Variants in SLC4A7 observed in about 807,000 individuals in gnomAD.
SLC4A7 encodes solute carrier family 4 member 7.
SLC4A7 carries 51 observed loss-of-function variants against 137.6 expected under a neutral mutation model. That is an observed-to-expected ratio of 0.37 (90% CI 0.30 to 0.47). The LOEUF (loss-of-function observed/expected upper bound fraction) is 0.47, where lower values mean the gene tolerates loss of function less well. SLC4A7 is among the 20% of genes least tolerant of loss of function. The pLI, the probability that SLC4A7 is intolerant of heterozygous loss-of-function variation, is 1.00. For synonymous variants in SLC4A7, 542 were observed against 518.6 expected, an observed-to-expected ratio of 1.05 and a Z score of -0.61; for missense variants, 1,247 against 1,525.4, an observed-to-expected ratio of 0.82 and a Z score of 3.04.
chr3:27,391,900 T>C, intron 20 of SLC4A7, 92 bp from the exon 21 acceptor site: 1 of 737,586 alleles, frequency 1.4e-6, no homozygotes. Context: ...ATTAAAAGAT[T>C]TTTCAATCAT....
In SLC4A7 at chr3:27,431,637, G is replaced by T. The variant is rs758537710; in HGVS notation, c.811C>A (p.Arg271=). Reference sequence around the variant, plus strand: ...AGGTTTGAGGCAGACAGACCTGTTCGCAAAGAGTGGCGGGAGGCTGAAAGG... The same window carrying T: ...AGGTTTGAGGCAGACAGACCTGTTCTCAAAGAGTGGCGGGAGGCTGAAAGG... ...EGLSASRHSL[R]TGLSASNLSL... Residue 271 remains arginine, a synonymous_variant, in exon 7 of 26, where the codon CGA becomes AGA. Transcript: ENST00000454389. The T allele has an allele frequency of 5.0e-6, 8 of 1,595,660 alleles. No homozygotes were observed. In the African/African-American group the frequency reaches 8.1e-5, roughly 16 times the overall value.
At chr3:27,443,150 G>A (rs759971069) in intron 3 of SLC4A7, among the ~76,000 whole-genome samples, 3 of 146,198 alleles carry the variant, frequency 2.1e-5, no homozygotes, top group Non-Finnish European at 4.5e-5. Context: ...TCCTGTCTCA[G>A]CCTCTGGGTA....
intron 21 of SLC4A7, among the ~76,000 whole-genome samples, chr3:27,391,107 G>C (rs2150080719): frequency 6.6e-6 from 1 of 152,264 alleles, no homozygotes; most frequent in East Asian, 1.9e-4. Context: ...ACAGACATGA[G>C]TAATGATAGC....
At chr3:27,394,929 G>C (rs2051985006) in intron 19 of SLC4A7, 25 bp downstream of exon 19, 1 of 1,576,850 alleles carries the variant, frequency 6.3e-7, no homozygotes, top group Admixed American at 1.9e-5. Context: ...GAATCACAAT[G>C]CTTAAGGCAA....
At chr3:27,482,801 T>C (rs2059771847) in intron 1 of SLC4A7, among the ~76,000 whole-genome samples, 1 of 152,130 alleles carries the variant, frequency 6.6e-6, no homozygotes, top group African/African-American at 2.4e-5. Flanking sequence ...TTACAGATTA[T>C]TTAGGATGAG....
chr3:27,468,725 T>C (rs921788949), intron 1 of SLC4A7, among the ~76,000 whole-genome samples: 4 of 152,156 alleles, frequency 2.6e-5, no homozygotes, highest in Non-Finnish European at 2.9e-5. Context: ...ACAATATTTA[T>C]ACAAATGATA....
chr3:27,392,865 A>G (rs920865182), intron 20 of SLC4A7, among the ~76,000 whole-genome samples: 45 of 152,104 alleles, frequency 3.0e-4, no homozygotes, highest in African/African-American at 1.1e-3. Context: ...AAAAGAAATA[A>G]GAATGGGAAA....
chr3:27,403,299 C>T lies in SLC4A7; in HGVS notation c.2161G>A (p.Ala721Thr). ...GTAATATAACACACAAGGCTGCTTG[C>T]ATCTGTTGCAACCAAAACAATGCAC... ...FLCIVLVATD[A>T]SSLVCYITRF... The change falls in exon 15 of 26, where the codon GCA (alanine) becomes ACA (threonine). Residue 721 changes from alanine to threonine, a missense_variant. Ala to Thr is a moderately conservative substitution (Grantham distance 58). Coordinates refer to ENST00000454389, the MANE Select transcript of SLC4A7 (RefSeq NM_001321103.2). The T allele has an allele frequency of 6.2e-7, 1 of 1,614,000 alleles. No individual in the cohort carries two copies.
chr3:27,419,718 T>C (rs942294614), intron 10 of SLC4A7, among the ~76,000 whole-genome samples: 1 of 152,050 alleles, frequency 6.6e-6, no homozygotes, highest in Non-Finnish European at 1.5e-5. Flanking sequence ...CAAATTTGCA[T>C]GTTACTGAGA....
chr3:27,470,685 G>GT (rs897124895), intron 1 of SLC4A7, among the ~76,000 whole-genome samples: 1 of 149,886 alleles, frequency 6.7e-6, no homozygotes, highest in South Asian at 2.1e-4. Context: ...GCTCACGCCT[G>GT]TAACCCCAGC....
chr3:27,460,038 A>AAT (rs2058614002), intron 1 of SLC4A7, among the ~76,000 whole-genome samples: 4 of 139,764 alleles, frequency 2.9e-5, no homozygotes, highest in South Asian at 2.3e-4. Context: ...TATATATATA[A>AAT]TTTTTTTTTT....
intron 22 of SLC4A7, 81 bp downstream of exon 22, chr3:27,389,850 A>G: frequency 9.2e-7 from 1 of 1,092,134 alleles, no homozygotes. Flanking sequence ...TCTTTTTCTC[A>G]AAATCAATTA....
At chr3:27,462,129 T>C (rs2058733792) in intron 1 of SLC4A7, among the ~76,000 whole-genome samples, 4 of 152,198 alleles carry the variant, frequency 2.6e-5, no homozygotes, top group Admixed American at 1.3e-4. Flanking sequence ...TTTCCATAAA[T>C]TTTTTTAAAT....
intron 12 of SLC4A7, among the ~76,000 whole-genome samples, chr3:27,410,276 A>G (rs1400966706): frequency 6.6e-6 from 1 of 152,148 alleles, no homozygotes; most frequent in African/African-American, 2.4e-5. Context: ...ATGAGGGGAG[A>G]CTTTTTCTTG....
chr3:27,398,387 G>C lies in SLC4A7; in HGVS notation c.2428-34C>G, dbSNP rs760842219. 3.9e-6 allele frequency: 6 copies of C among 1,551,734 alleles called. No homozygotes were observed. In the East Asian group the frequency reaches 1.4e-4, roughly 35 times the overall value. On this transcript the variant is annotated intron_variant, in intron 16 of 25. Coordinates refer to ENST00000454389, the MANE Select transcript of SLC4A7 (RefSeq NM_001321103.2). ...AAGGAGAAAGAAAAAGCAGAATGGG[G>C]GATTCTTACGTATTCAATAAATTAT... is the stretch of plus-strand genomic sequence containing the variant.
At chr3:27,473,966 G>C (rs2059361557) in intron 1 of SLC4A7, among the ~76,000 whole-genome samples, 2 of 152,054 alleles carry the variant, frequency 1.3e-5, no homozygotes, top group Non-Finnish European at 2.9e-5. Context: ...AATTTAAGAT[G>C]AAACTATGAA....
chr3:27,463,817 T>G lies in SLC4A7; in HGVS notation c.61-11319A>C, dbSNP rs937982651. 5.9e-5 allele frequency among the ~76,000 whole-genome samples: 9 copies of G among 152,192 alleles called. 1 individual carries two copies. In the South Asian group the frequency reaches 1.4e-3, roughly 25 times the overall value. On this transcript the variant is annotated intron_variant, in intron 1 of 25. Transcript: ENST00000454389. ...GGCAGCCTGTTAGCAGGACTCCATC[T>G]CACTTTGCTGTGTTGTTCTTTTCGC... is the stretch of plus-strand genomic sequence containing the variant.
Position 27,391,711 on chromosome 3 carries a change from T to C in SLC4A7, c.3186+29A>G, listed in dbSNP as rs776021268. The stretch of plus-strand genomic sequence containing the variant: ...CATACTTAAAATTATCAAGTTTCTA[T>C]AGAAAATCATTAAATACTTAAAACT... On this transcript the variant is annotated intron_variant, in intron 21 of 25. Transcript: ENST00000454389. The C allele has an allele frequency of 2.0e-5, 25 of 1,254,016 alleles. No individual in the cohort carries two copies. In the Admixed American group the frequency reaches 2.9e-4, roughly 15 times the overall value. 77.7% of individuals were successfully genotyped at this position (1,254,016 alleles called of 1,614,324 possible).
At chr3:27,477,396 G>C (rs922832411) in intron 1 of SLC4A7, among the ~76,000 whole-genome samples, 1 of 152,080 alleles carries the variant, frequency 6.6e-6, no homozygotes, top group Non-Finnish European at 1.5e-5. Flanking sequence ...GTGAACTCAC[G>C]GGCAGAGATT....
Sources: gnomAD v4.1 joint callset for allele counts (sites outside exome capture counted in the v4.1 genomes callset) on GRCh38, gnomAD v4.1.1 for gene constraint, MANE v1.5 for transcripts, NCBI Gene and HGNC (gene_info 2026-07-23, HGNC 2026-07-21) for gene names.